Variants in XPA observed in about 807,000 individuals in gnomAD.
XPA encodes the protein XPA, DNA damage recognition and repair factor.
In XPA, 27 loss-of-function variants were observed where a neutral mutation model predicts 35.7. The observed-to-expected ratio is 0.76, with a 90% CI of 0.56 to 1.04. The LOEUF (loss-of-function observed/expected upper bound fraction) is 1.04, where lower values mean the gene tolerates loss of function less well. XPA is among the 50% of genes least tolerant of loss of function. The pLI is 0.00. For synonymous variants in XPA, 133 were observed against 118.4 expected (o/e 1.12, Z -0.80); for missense variants, 354 against 342.7 (o/e 1.03, Z -0.26).
At chr9:97,689,938 AAAC>A (rs1277248831) in intron 2 of XPA, among the ~76,000 whole-genome samples, 3 of 152,244 alleles carry the variant, frequency 2.0e-5, no homozygotes, top group African/African-American at 4.8e-5. Context: ...GAGTGACTTA[AAAC>A]AACACACATT....
At chr9:97,688,407 G>A (rs903685060) in intron 3 of XPA, among the ~76,000 whole-genome samples, 1 of 152,144 alleles carries the variant, frequency 6.6e-6, no homozygotes, top group African/African-American at 2.4e-5. Flanking sequence ...TCATGTGCTT[G>A]TATTCGGTCT....
chr9:97,675,797 T>G, intron 5 of XPA: 1 of 620,680 alleles, frequency 1.6e-6, no homozygotes, highest in East Asian at 2.8e-5. Context: ...GTGAATCAAG[T>G]TGTCACTGGA....
At chr9:97,662,360 T>C in the XPA span, among the ~76,000 whole-genome samples, 1 of 152,240 alleles carries the variant, frequency 6.6e-6, no homozygotes, top group African/African-American at 2.4e-5. Flanking sequence ...AAGTGCTTTT[T>C]TTCATATAGA....
At chr9:97,686,687 G>A (rs1587745720) in intron 4 of XPA, among the ~76,000 whole-genome samples, 1 of 152,092 alleles carries the variant, frequency 6.6e-6, no homozygotes, top group Non-Finnish European at 1.5e-5. Context: ...AGCACTTTGC[G>A]AGGCCAAAGC....
Position 97,697,165 on chromosome 9 carries a change from AG to A in XPA, c.127del (p.Leu43TrpfsTer20). On this transcript the variant is annotated frameshift_variant, in exon 1 of 6. Transcript: ENST00000375128. LOFTEE classifies it high-confidence loss of function. ...CGTCGCCGAGTAGGGCCGGGCAGCCAGCCGGGCCTGGCGCAGCATCAGTGCC... is the reference window on the plus strand; with the variant it reads ...CGTCGCCGAGTAGGGCCGGGCAGCCACCGGGCCTGGCGCAGCATCAGTGCC... ...QRALMLRQAR[L>X]AARPYSATAA... 6.3e-7 allele frequency: 1 copy of A among 1,579,634 alleles called. No homozygotes were observed. The highest frequency in any genetic ancestry group is 8.6e-7 in the Non-Finnish European group (1 of 1,166,700).
chr9:97,693,658 G>T lies in XPA; in HGVS notation c.274C>A (p.His92Asn). ...GAAAAACTCACTTTACCTGGTTGATGAACAACTTTTCCAATTTTCTGTTCT... is the reference window on the plus strand; with the variant it reads ...GAAAAACTCACTTTACCTGGTTGATTAACAACTTTTCCAATTTTCTGTTCT... ...EEEQKIGKVV[H>N]QPGPVMEFDY... The change falls in exon 2 of 6, where the codon CAT (histidine) becomes AAT (asparagine). Residue 92 changes from histidine to asparagine, a missense_variant. By Grantham distance (68) the His-to-Asn change is moderately conservative. Coordinates refer to ENST00000375128, the MANE Select transcript of XPA (RefSeq NM_000380.4). 6.2e-7 allele frequency: 1 copy of T among 1,613,382 alleles called. No homozygotes were observed. Among genetic ancestry groups the T allele is most frequent in the Non-Finnish European group, 8.5e-7 (1 of 1,179,848 alleles).
chr9:97,655,609 G>C, the XPA span: 4 of 947,356 alleles, frequency 4.2e-6, no homozygotes, highest in Admixed American at 2.5e-5. Flanking sequence ...CTGTAAAGTC[G>C]GGTTTTATCT....
intron 5 of XPA, among the ~76,000 whole-genome samples, chr9:97,678,493 AAAGT>A (rs980823233): frequency 5.3e-5 from 8 of 152,226 alleles, no homozygotes; most frequent in African/African-American, 1.7e-4. Flanking sequence ...TTTGAGCAAC[AAAGT>A]AAGGACAGAA....
At chr9:97,690,506 G>C (rs2131401475) in intron 2 of XPA, among the ~76,000 whole-genome samples, 1 of 152,338 alleles carries the variant, frequency 6.6e-6, no homozygotes, top group East Asian at 1.9e-4. Context: ...TCCTGCCTCA[G>C]CCTCCCAAGT....
At position 97,692,859 on chromosome 9, in the gene XPA, C is replaced by T. The variant is rs1360963868; in HGVS notation, c.283+790G>A. Among the ~76,000 whole-genome samples the T allele has an allele frequency of 3.8e-4, 58 of 151,954 alleles. 1 individual carries two copies. Among genetic ancestry groups the T allele is most frequent in the Admixed American group, 3.8e-3 (58 of 15,254 alleles). On this transcript the variant is annotated intron_variant, in intron 2 of 5. Coordinates refer to ENST00000375128, the MANE Select transcript of XPA (RefSeq NM_000380.4). The stretch of plus-strand genomic sequence containing the variant: ...TCATCCTGAAACCATCCCCAGCCAC[C>T]CCCCAACCCCACCCTGGGTTTTGTC...
Position 97,687,232 on chromosome 9 carries a change from G to A in XPA, c.419C>T (p.Thr140Ile). Reference sequence around the variant, plus strand: ...ATATTCTTGTTTTGCCTCTGTTTTGGTTATAAGCTTGTGTTTATCATCAGC... The same window carrying A: ...ATATTCTTGTTTTGCCTCTGTTTTGATTATAAGCTTGTGTTTATCATCAGC... ...RDADDKHKLITKTEAKQEYLL... is the reference protein window; with the variant it reads ...RDADDKHKLIIKTEAKQEYLL... Residue 140 changes from threonine to isoleucine, a missense_variant, in exon 4 of 6, where the codon ACC (threonine) becomes ATC (isoleucine). Transcript: ENST00000375128. 1 of 1,608,720 alleles carries A rather than the reference G, an allele frequency of 6.2e-7. No individual in the cohort carries two copies. Among genetic ancestry groups the A allele is most frequent in the Non-Finnish European group, 8.5e-7 (1 of 1,177,698 alleles).
chr9:97,683,406 T>TA (rs1322699798), intron 5 of XPA, among the ~76,000 whole-genome samples: 1 of 152,154 alleles, frequency 6.6e-6, no homozygotes, highest in African/African-American at 2.4e-5. Flanking sequence ...GGAAGGTTCT[T>TA]TAATGAAATG....
chr9:97,670,492 C>CTTCATTT (rs1437765599), downstream of XPA, among the ~76,000 whole-genome samples: 3 of 152,188 alleles, frequency 2.0e-5, no homozygotes, highest in African/African-American at 7.2e-5. Context: ...TCCCCTAAAT[C>CTTCATTT]TTCATTTGTT....
chr9:97,658,866 G>A, the XPA span: 1 of 740,734 alleles, frequency 1.4e-6, no homozygotes. Context: ...TCCTGTATTT[G>A]AAAGGTGGTC....
downstream of XPA, chr9:97,669,976 T>TA (rs1320772634): frequency 4.2e-6 from 2 of 471,300 alleles, no homozygotes; most frequent in Non-Finnish European, 7.8e-6. Context: ...AGGCTGGAGT[T>TA]CAGTGACACG....
At position 97,687,378 on chromosome 9, in the gene XPA, T is replaced by C. The variant is rs3176679; in HGVS notation, c.390-117A>G. 5,998 of 798,228 alleles carry C rather than the reference T, an allele frequency of 7.5e-3. 241 individuals carry two copies. In the African/African-American group the frequency reaches 0.086, roughly 11 times the overall value. 49.4% of individuals were successfully genotyped at this position (798,228 alleles called of 1,614,324 possible). On this transcript the variant is annotated intron_variant, in intron 3 of 5. Transcript: ENST00000375128. ...AAAGGACATATAAAATACTTTTTCC[T>C]GCAACTCTCATGGTTAAATTAGCAA...
chr9:97,697,285 G>C lies in XPA; in HGVS notation c.8C>G (p.Ala3Gly). 1 of 1,598,338 alleles carries C rather than the reference G, an allele frequency of 6.3e-7. No homozygotes were observed. Among genetic ancestry groups the C allele is most frequent in the South Asian group, 1.1e-5 (1 of 91,006 alleles). ...CGCCTCCGGCAAAGCCCCGTCGGCCGCCGCCATCTCTGGCCCACTCCGAGG... is the reference window on the plus strand; with the variant it reads ...CGCCTCCGGCAAAGCCCCGTCGGCCCCCGCCATCTCTGGCCCACTCCGAGG... MA[A>G]ADGALPEAAA... Residue 3 changes from alanine to glycine, a missense_variant, in exon 1 of 6, where the codon GCG becomes GGG. Coordinates refer to ENST00000375128, the MANE Select transcript of XPA (RefSeq NM_000380.4).
the XPA span, among the ~76,000 whole-genome samples, chr9:97,659,405 T>C: frequency 0.12 from 17,977 of 152,196 alleles, 3,016 homozygotes; most frequent in African/African-American, 0.37. Context: ...CTGCTGTTCT[T>C]TGCTTTTCAT....
At chr9:97,683,050 A>G (rs570165228) in intron 5 of XPA, among the ~76,000 whole-genome samples, 2 of 152,228 alleles carry the variant, frequency 1.3e-5, no homozygotes, top group Non-Finnish European at 2.9e-5. Flanking sequence ...AAAATATTTC[A>G]TCACTTTGCA....
Sources: allele counts gnomAD v4.1 joint callset (sites outside exome capture counted in the v4.1 genomes callset), GRCh38; gene constraint gnomAD v4.1.1; transcripts MANE v1.5; gene names NCBI Gene and HGNC (gene_info 2026-07-23, HGNC 2026-07-21).